Variants in DCUN1D5 observed in about 807,000 individuals in gnomAD.
DCUN1D5 encodes DCN1-like protein 5.
In DCUN1D5, 10 loss-of-function variants were observed where a neutral mutation model predicts 38.3. The observed-to-expected ratio is 0.26, with a 90% CI of 0.16 to 0.44. DCUN1D5 has a LOEUF of 0.44. Ranked by LOEUF, DCUN1D5 falls within the 20% of genes least tolerant of loss-of-function variation. The pLI, the probability that DCUN1D5 is intolerant of heterozygous loss-of-function variation, is 1.00. For missense variants in DCUN1D5, 148 were observed against 275.3 expected (o/e 0.54, Z 3.27); for synonymous variants, 93 against 90.9 (o/e 1.02, Z -0.13).
intron 4 of DCUN1D5, among the ~76,000 whole-genome samples, chr11:103,074,196 T>C (rs1862350533): frequency 6.6e-6 from 1 of 152,150 alleles, no homozygotes; most frequent in African/African-American, 2.4e-5. Context: ...AGTTATAGAA[T>C]GTAAGAAAAT....
In DCUN1D5 at chr11:103,058,320, A is replaced by C. The variant is rs1334006026; in HGVS notation, c.*4039T>G. Among the ~76,000 whole-genome samples, 8 of 152,222 alleles carry C rather than the reference A, an allele frequency of 5.3e-5. No individual in the cohort carries two copies. Among genetic ancestry groups the C allele is most frequent in the Non-Finnish European group, 8.8e-5 (6 of 68,036 alleles). ...AGCAAAGGAAACACTATCTGTACTA[A>C]TAGAATGTAAAAGATTGTAAGGTGG... On this transcript the variant is annotated 3_prime_UTR_variant, in exon 8 of 8. Coordinates refer to ENST00000260247, the MANE Select transcript of DCUN1D5 (RefSeq NM_032299.4).
rs959512994 is a variant in DCUN1D5, at chr11:103,059,137, C to A, written c.*3222G>T. Among the ~76,000 whole-genome samples the A allele has an allele frequency of 6.6e-6, 1 of 152,094 alleles. No individual in the cohort carries two copies. The highest frequency in any genetic ancestry group is 1.5e-5 in the Non-Finnish European group (1 of 68,006). ...GAAGAACAACACCTGGCATTCTTAC[C>A]AATTACACCTCAAACTGAACATATA... On this transcript the variant is annotated 3_prime_UTR_variant, in exon 8 of 8. Coordinates refer to ENST00000260247, the MANE Select transcript of DCUN1D5 (RefSeq NM_032299.4).
chr11:103,080,902 G>A (rs748439024), intron 4 of DCUN1D5, among the ~76,000 whole-genome samples: 33 of 151,938 alleles, frequency 2.2e-4, no homozygotes, highest in Non-Finnish European at 3.8e-4. Flanking sequence ...GTCCCAGCTC[G>A]GGAGGCTGAG....
At chr11:103,084,263 T>C (rs996735183) in intron 2 of DCUN1D5, among the ~76,000 whole-genome samples, 4 of 152,166 alleles carry the variant, frequency 2.6e-5, no homozygotes, top group Admixed American at 2.6e-4. Flanking sequence ...AGCCTCTATT[T>C]TCCTTTTTCA....
intron 4 of DCUN1D5, among the ~76,000 whole-genome samples, chr11:103,076,201 A>C (rs1054278821): frequency 6.6e-6 from 1 of 152,224 alleles, no homozygotes; most frequent in African/African-American, 2.4e-5. Context: ...ATAACACAGG[A>C]CCTGACATAT....
At chr11:103,069,143 T>C (rs913853238) in intron 4 of DCUN1D5, among the ~76,000 whole-genome samples, 3 of 152,106 alleles carry the variant, frequency 2.0e-5, no homozygotes, top group Non-Finnish European at 4.4e-5. Flanking sequence ...GAACATTATA[T>C]AGAAAATAAA....
In DCUN1D5 at chr11:103,062,321, G is replaced by GGAATT. The variant is rs771526023; in HGVS notation, c.*33_*37dup. ...CATCACATTAGCTTGTATACACGTG[G>GGAATT]GAATTGAAAGGTTTGCATTTTCTTC... is the stretch of plus-strand genomic sequence containing the variant. On this transcript the variant is annotated 3_prime_UTR_variant, in exon 8 of 8. Transcript: ENST00000260247. The surrounding 1 kb of genome is among the most constrained non-coding windows in gnomAD (Gnocchi z 4.6). The GGAATT allele has an allele frequency of 4.4e-6, 7 of 1,602,918 alleles. No individual in the cohort carries two copies. Among genetic ancestry groups the GGAATT allele is most frequent in the Non-Finnish European group, 6.0e-6 (7 of 1,170,184 alleles).
chr11:103,072,643 G>A (rs1023150385), intron 4 of DCUN1D5, among the ~76,000 whole-genome samples: 2 of 151,702 alleles, frequency 1.3e-5, no homozygotes. Context: ...CCATCATTCT[G>A]AGCAAACTAT....
Position 103,064,741 on chromosome 11 carries a change from A to T in DCUN1D5, c.556-364T>A, listed in dbSNP as rs1379187963. Among the ~76,000 whole-genome samples, 1 of 152,110 alleles carries T rather than the reference A, an allele frequency of 6.6e-6. No homozygotes were observed. Among genetic ancestry groups the T allele is most frequent in the Non-Finnish European group, 1.5e-5 (1 of 67,996 alleles). Reference sequence around the variant, plus strand: ...CTAGTAAATCATTTCTTTGCTCAAGATTTACTGTTTAGCCACATTTTGAGT... The same window carrying T: ...CTAGTAAATCATTTCTTTGCTCAAGTTTTACTGTTTAGCCACATTTTGAGT... On this transcript the variant is annotated intron_variant, in intron 6 of 7. Coordinates refer to ENST00000260247, the MANE Select transcript of DCUN1D5 (RefSeq NM_032299.4). The surrounding 1 kb of genome is among the most constrained non-coding windows in gnomAD (Gnocchi z 4.5).
In DCUN1D5 at chr11:103,083,385, G is replaced by T; in HGVS notation, c.179-59C>A. The T allele has an allele frequency of 1.0e-6, 1 of 984,098 alleles. No individual in the cohort carries two copies. Among genetic ancestry groups the T allele is most frequent in the Non-Finnish European group, 1.6e-6 (1 of 624,092 alleles). The allele number at this position is 984,098 out of a possible 1,614,324, so 61.0% of individuals were successfully genotyped here. On this transcript the variant is annotated intron_variant, in intron 2 of 7. Coordinates refer to ENST00000260247, the MANE Select transcript of DCUN1D5 (RefSeq NM_032299.4). This position sits in a 1 kb window ranked among gnomAD's most constrained non-coding sequence, Gnocchi z 4.4. Reference sequence around the variant, plus strand: ...ATAATATCAACATAAAACATAAATCGTCATGCTAAAGGTACCCATGAACAC... The same window carrying T: ...ATAATATCAACATAAAACATAAATCTTCATGCTAAAGGTACCCATGAACAC...
Position 103,092,148 on chromosome 11 carries a change from A to G in DCUN1D5, c.-276T>C. 1 of 412,966 alleles carries G rather than the reference A, an allele frequency of 2.4e-6. No homozygotes were observed. Among genetic ancestry groups the G allele is most frequent in the Non-Finnish European group, 4.4e-6 (1 of 229,076 alleles). The allele number at this position is 412,966 out of a possible 1,614,324, so 25.6% of individuals were successfully genotyped here. The stretch of plus-strand genomic sequence containing the variant: ...ACGCGGACAGCGCGGCAGCTCCACC[A>G]GTCACAGCAAGCAAGAGGCTCAGCC... On this transcript the variant is annotated 5_prime_UTR_variant, in exon 1 of 8. Transcript: ENST00000260247.
In DCUN1D5 at chr11:103,092,133, C is replaced by T; in HGVS notation, c.-261G>A. The T allele has an allele frequency of 2.3e-6, 1 of 434,830 alleles. No individual in the cohort carries two copies. The highest frequency in any genetic ancestry group is 4.1e-6 in the Non-Finnish European group (1 of 242,872). The allele number at this position is 434,830 out of a possible 1,614,324, so 26.9% of individuals were successfully genotyped here. A position where few individuals can be genotyped will look rare whatever the true frequency, so the allele number is the denominator to read the frequency against. ...CACCGGGAGGAGATAACGCGGACAG[C>T]GCGGCAGCTCCACCAGTCACAGCAA... On this transcript the variant is annotated 5_prime_UTR_variant, in exon 1 of 8. Coordinates refer to ENST00000260247, the MANE Select transcript of DCUN1D5 (RefSeq NM_032299.4).
rs1315803303 is a variant in DCUN1D5, at chr11:103,059,106, A to G, written c.*3253T>C. ...ATAGTTTTAAGTACACTTCTTTAAG[A>G]GGGCAGAAGAACAACACCTGGCATT... On this transcript the variant is annotated 3_prime_UTR_variant, in exon 8 of 8. Transcript: ENST00000260247. Among the ~76,000 whole-genome samples, 1 of 152,168 alleles carries G rather than the reference A, an allele frequency of 6.6e-6. No homozygotes were observed. The highest frequency in any genetic ancestry group is 1.5e-5 in the Non-Finnish European group (1 of 68,016).
At position 103,089,302 on chromosome 11, in the gene DCUN1D5, G is replaced by A. The variant is rs772669458; in HGVS notation, c.103C>T (p.Pro35Ser). 7 of 1,607,884 alleles carry A rather than the reference G, an allele frequency of 4.4e-6. No homozygotes were observed. The highest frequency in any genetic ancestry group is 6.0e-6 in the Non-Finnish European group (7 of 1,175,848). ...CKISSYCRSQPPARLISGEEH... is the reference protein window; with the variant it reads ...CKISSYCRSQSPARLISGEEH... ...TCTCCACTTATTAGTCTAGCAGGGG[G>A]TTGGGATCTGCAATAGCTTAGAAAA... The change falls in exon 2 of 8, where the codon CCC becomes TCC. Residue 35 changes from proline (P) to serine (S), a missense_variant. Pro to Ser is a moderately conservative substitution (Grantham distance 74, BLOSUM62 -1). Coordinates refer to ENST00000260247, the MANE Select transcript of DCUN1D5 (RefSeq NM_032299.4).
rs535906072 is a variant in DCUN1D5 at position 103,059,150 on chromosome 11, A to G, written c.*3209T>C. On this transcript the variant is annotated 3_prime_UTR_variant, in exon 8 of 8. Transcript: ENST00000260247. ...TGGCATTCTTACCAATTACACCTCA[A>G]ACTGAACATATATTTCAATAAATCC... is the stretch of plus-strand genomic sequence containing the variant. 3.7e-4 allele frequency among the ~76,000 whole-genome samples: 57 copies of G among 152,274 alleles called. No individual in the cohort carries two copies. In the South Asian group the frequency reaches 0.012, roughly 31 times the overall value.
chr11:103,067,224 G>A (rs1862156491), intron 4 of DCUN1D5, among the ~76,000 whole-genome samples: 1 of 152,002 alleles, frequency 6.6e-6, no homozygotes, highest in Admixed American at 6.6e-5. Flanking sequence ...TATATGGAAG[G>A]CTCAAAAATC....
Position 103,090,716 on chromosome 11 carries a change from G to A in DCUN1D5, c.86+1071C>T, listed in dbSNP as rs544483214. 1.6e-3 allele frequency among the ~76,000 whole-genome samples: 239 copies of A among 152,274 alleles called. 1 individual carries two copies. The highest frequency in any genetic ancestry group is 5.1e-3 in the African/African-American group (211 of 41,560). On this transcript the variant is annotated intron_variant, in intron 1 of 7. Coordinates refer to ENST00000260247, the MANE Select transcript of DCUN1D5 (RefSeq NM_032299.4). Reference sequence around the variant, plus strand: ...TCGCGAGGTCAGGAGTTCAAGACCAGCCTAGTCAACATAGTGAAACCCCGT... The same window carrying A: ...TCGCGAGGTCAGGAGTTCAAGACCAACCTAGTCAACATAGTGAAACCCCGT...
Position 103,060,821 on chromosome 11 carries a change from C to A in DCUN1D5, c.*1538G>T, listed in dbSNP as rs1447236605. The stretch of plus-strand genomic sequence containing the variant: ...ATTATAAATTTAAAGGTCTACAAAT[C>A]TAAATGCTTTCCTTATAATAAATTT... On this transcript the variant is annotated 3_prime_UTR_variant, in exon 8 of 8. Coordinates refer to ENST00000260247, the MANE Select transcript of DCUN1D5 (RefSeq NM_032299.4). Among the ~76,000 whole-genome samples, 2 of 152,144 alleles carry A rather than the reference C, an allele frequency of 1.3e-5. No homozygotes were observed. The highest frequency in any genetic ancestry group is 2.9e-5 in the Non-Finnish European group (2 of 68,016).
rs112075231 is a variant in DCUN1D5, at chr11:103,087,144, C to T, written c.178+2083G>A. ...AGTTGGAGACCAGTTTGGGCAACAT[C>T]GTGAAACCCCATTTCTTTTTTTCTT... On this transcript the variant is annotated intron_variant, in intron 2 of 7. Transcript: ENST00000260247. The surrounding 1 kb of genome is among the most constrained non-coding windows in gnomAD (Gnocchi z 4.1). 7.1e-3 allele frequency among the ~76,000 whole-genome samples: 1,066 copies of T among 150,932 alleles called. 9 individuals are homozygous for T. The highest frequency in any genetic ancestry group is 0.024 in the African/African-American group (1,003 of 41,170).
Sources: allele counts gnomAD v4.1 joint callset (sites outside exome capture counted in the v4.1 genomes callset), GRCh38; gene constraint gnomAD v4.1.1; non-coding constraint Gnocchi (gnomAD v3.1); transcripts MANE v1.5; gene names NCBI Gene and HGNC (gene_info 2026-07-23, HGNC 2026-07-21).